NR2F1-AS1: variants seen among roughly 807,000 people sequenced by gnomAD.
NR2F1-AS1 encodes the protein NR2F1 regulatory antisense RNA 1.
chr5:93,487,243 C>A (rs1750744052), intron 4 of NR2F1-AS1, among the ~76,000 whole-genome samples: 2 of 152,114 alleles, frequency 1.3e-5, no homozygotes, highest in African/African-American at 4.8e-5. Context: ...GAAGTTCTGG[C>A]CGCAGCAATC....
At chr5:93,444,104 T>G (rs570245730) in intron 4 of NR2F1-AS1, among the ~76,000 whole-genome samples, 1 of 152,262 alleles carries the variant, frequency 6.6e-6, no homozygotes, top group South Asian at 2.1e-4. Context: ...ACATGACAAA[T>G]TGTAAAGACC....
At chr5:93,519,194 A>G (rs1032116072) in intron 4 of NR2F1-AS1, among the ~76,000 whole-genome samples, 5 of 152,070 alleles carry the variant, frequency 3.3e-5, no homozygotes, top group Non-Finnish European at 4.4e-5. Context: ...AAAAAAATAC[A>G]TAACTTTAAA....
intron 4 of NR2F1-AS1, among the ~76,000 whole-genome samples, chr5:93,490,400 G>A (rs547347036): frequency 6.6e-6 from 1 of 152,344 alleles, no homozygotes; most frequent in African/African-American, 2.4e-5. Flanking sequence ...AGAAAGGGAG[G>A]TGGTAATGAC....
At chr5:93,490,589 A>ATGGTGG (rs1750816801) in intron 4 of NR2F1-AS1, among the ~76,000 whole-genome samples, 1 of 105,322 alleles carries the variant, frequency 9.5e-6, no homozygotes, top group Admixed American at 8.8e-5. Flanking sequence ...GGTGGTGGTG[A>ATGGTGG]TGGTGGTGGT....
intron 1 of NR2F1-AS1, among the ~76,000 whole-genome samples, chr5:93,564,179 CACAG>C (rs1156734132): frequency 1.6e-5 from 2 of 126,908 alleles, no homozygotes; most frequent in African/African-American, 2.9e-5. Flanking sequence ...ATACTTACAG[CACAG>C]ACAAAGCTAC....
At chr5:93,570,373 G>C in intron 1 of NR2F1-AS1, 1 of 152,584 alleles carries the variant, frequency 6.6e-6, no homozygotes, top group East Asian at 1.9e-4. Flanking sequence ...ACCCCAGGAG[G>C]ATGGCAAGGT....
Position 93,550,589 on chromosome 5 carries a change from A to G in NR2F1-AS1, n.638+3172T>C, listed in dbSNP as rs1024457241. Among the ~76,000 whole-genome samples, 14 of 152,240 alleles carry G rather than the reference A, an allele frequency of 9.2e-5. 1 individual carries two copies. The highest frequency in any genetic ancestry group is 2.9e-5 in the Non-Finnish European group (2 of 68,034). On this transcript the variant is annotated intron_variant and non_coding_transcript_variant, in intron 4 of 5. Transcript: ENST00000660523. ...CCAGGCAGCCTATAGAACTGATATC[A>G]ACAGTTTTATGCCTGTCAGAAAATC...
intron 4 of NR2F1-AS1, among the ~76,000 whole-genome samples, chr5:93,456,973 C>T (rs954064646): frequency 2.6e-5 from 4 of 152,140 alleles, no homozygotes; most frequent in Non-Finnish European, 4.4e-5. Context: ...TGCCTATTGC[C>T]GCCAGCATGT....
At chr5:93,558,674 T>C (rs1005360068) in intron 2 of NR2F1-AS1, among the ~76,000 whole-genome samples, 1 of 152,184 alleles carries the variant, frequency 6.6e-6, no homozygotes, top group African/African-American at 2.4e-5. Flanking sequence ...TACTCCTTGA[T>C]CTATGGGCTA....
At chr5:93,429,258 A>G (rs1181808799) in intron 4 of NR2F1-AS1, among the ~76,000 whole-genome samples, 2 of 152,166 alleles carry the variant, frequency 1.3e-5, no homozygotes, top group African/African-American at 4.8e-5. Context: ...TTATAATAAC[A>G]CTAACCTCTA....
At chr5:93,419,636 G>A (rs147189078) in intron 4 of NR2F1-AS1, among the ~76,000 whole-genome samples, 15 of 152,272 alleles carry the variant, frequency 9.9e-5, no homozygotes, top group African/African-American at 3.6e-4. Flanking sequence ...TATCGGAAAG[G>A]ATATACATTA....
At chr5:93,458,888 T>C (rs530433397) in intron 4 of NR2F1-AS1, among the ~76,000 whole-genome samples, 1 of 152,092 alleles carries the variant, frequency 6.6e-6, no homozygotes, top group East Asian at 1.9e-4. Flanking sequence ...GGCGCATACC[T>C]GTAATCCCAG....
chr5:93,506,335 ATCT>A (rs1751185422), intron 4 of NR2F1-AS1, among the ~76,000 whole-genome samples: 1 of 152,072 alleles, frequency 6.6e-6, no homozygotes, highest in Non-Finnish European at 1.5e-5. Context: ...ACATTTTCCT[ATCT>A]TCTTCTGAGC....
intron 4 of NR2F1-AS1, among the ~76,000 whole-genome samples, chr5:93,487,921 C>T (rs1009794189): frequency 2.0e-5 from 3 of 152,080 alleles, no homozygotes; most frequent in Admixed American, 1.3e-4. Context: ...AGAACAGAGG[C>T]CTCAGAAATA....
chr5:93,457,896 C>T (rs1484677422), intron 4 of NR2F1-AS1, among the ~76,000 whole-genome samples: 1 of 152,168 alleles, frequency 6.6e-6, no homozygotes, highest in East Asian at 1.9e-4. Context: ...GTCTCCATCT[C>T]CATGGAGGTG....
At chr5:93,447,081 A>G (rs980365518) in intron 4 of NR2F1-AS1, among the ~76,000 whole-genome samples, 8 of 152,158 alleles carry the variant, frequency 5.3e-5, no homozygotes, top group Non-Finnish European at 1.0e-4. Context: ...TAAATATTAG[A>G]CCTAAAACCA....
intron 4 of NR2F1-AS1, among the ~76,000 whole-genome samples, chr5:93,520,935 T>C (rs1203321791): frequency 6.6e-6 from 1 of 151,144 alleles, no homozygotes; most frequent in Non-Finnish European, 1.5e-5. Flanking sequence ...GATGAGATAA[T>C]ACTTACATTT....
intron 4 of NR2F1-AS1, among the ~76,000 whole-genome samples, chr5:93,448,610 T>C (rs988327083): frequency 2.0e-5 from 3 of 152,222 alleles, no homozygotes; most frequent in African/African-American, 7.2e-5. Context: ...CACATAATTA[T>C]TGAAGCTGAC....
chr5:93,558,606 G>A (rs556437992), intron 2 of NR2F1-AS1, among the ~76,000 whole-genome samples: 99 of 152,328 alleles, frequency 6.5e-4, no homozygotes, highest in Non-Finnish European at 1.3e-3. Flanking sequence ...ACAGGCATGA[G>A]CCACTACTCT....
Sources: gnomAD v4.1 joint callset for allele counts (sites outside exome capture counted in the v4.1 genomes callset) on GRCh38, gnomAD v4.1.1 for gene constraint, MANE v1.5 for transcripts, NCBI Gene and HGNC (gene_info 2026-07-23, HGNC 2026-07-21) for gene names.